The following PTPRK variants were observed in gnomAD, a reference collection of about 807,000 sequenced individuals.
PTPRK encodes the protein protein tyrosine phosphatase receptor type K.
PTPRK carries 75 observed loss-of-function variants against 178.0 expected under a neutral mutation model. The observed-to-expected ratio is 0.42, with a 90% CI of 0.35 to 0.51. The LOEUF is 0.51. Among genes scored for constraint, PTPRK ranks in the 20% least tolerant of loss-of-function variants. The pLI is 0.02. For missense variants in PTPRK, 1,441 were observed against 1,797.8 expected, an observed-to-expected ratio of 0.80 and a Z score of 3.59; for synonymous variants, 637 against 620.6, an observed-to-expected ratio of 1.03 and a Z score of -0.39.
At chr6:128,426,625 C>G (rs543518822) in intron 1 of PTPRK, among the ~76,000 whole-genome samples, 56 of 152,280 alleles carry the variant, frequency 3.7e-4, no homozygotes, top group African/African-American at 1.2e-3. Flanking sequence ...CATGTAGGAA[C>G]AAGATGTAAC....
intron 3 of PTPRK, among the ~76,000 whole-genome samples, chr6:128,302,391 C>CAAAAAAAAA (rs534525238): frequency 9.7e-5 from 3 of 30,912 alleles, no homozygotes; most frequent in African/African-American, 1.8e-4. Context: ...GACTCAATTC[C>CAAAAAAAAA]AAAAAAAAAA....
chr6:128,399,200 A>C (rs1294857026), intron 1 of PTPRK, among the ~76,000 whole-genome samples: 1 of 152,204 alleles, frequency 6.6e-6, no homozygotes, highest in Non-Finnish European at 1.5e-5. Context: ...TCTCTGTAAA[A>C]AAAAGGAATT....
At chr6:128,068,465 A>G (rs1782221904) in intron 11 of PTPRK, among the ~76,000 whole-genome samples, 1 of 152,228 alleles carries the variant, frequency 6.6e-6, no homozygotes, top group African/African-American at 2.4e-5. Flanking sequence ...GTAGAAACAG[A>G]TGGCATTTGG....
intron 3 of PTPRK, among the ~76,000 whole-genome samples, chr6:128,283,929 A>AT (rs1178883791): frequency 1.3e-5 from 2 of 152,198 alleles, no homozygotes; most frequent in East Asian, 3.8e-4. Flanking sequence ...GCCTGACTCC[A>AT]TGTGGCCTAC....
At chr6:128,141,165 A>G (rs929855888) in intron 7 of PTPRK, among the ~76,000 whole-genome samples, 1 of 151,948 alleles carries the variant, frequency 6.6e-6, no homozygotes, top group Non-Finnish European at 1.5e-5. Flanking sequence ...TTTGCTTGAT[A>G]TTTTATTAAA....
chr6:128,123,704 A>G (rs1201962791), intron 7 of PTPRK, among the ~76,000 whole-genome samples: 1 of 152,168 alleles, frequency 6.6e-6, no homozygotes, highest in Non-Finnish European at 1.5e-5. Context: ...CAAGAAAATT[A>G]ATTACATCAT....
intron 3 of PTPRK, among the ~76,000 whole-genome samples, chr6:128,243,919 AGAT>A (rs561542791): frequency 6.6e-6 from 1 of 152,346 alleles, no homozygotes; most frequent in South Asian, 2.1e-4. Flanking sequence ...ATAAAGTGAA[AGAT>A]GATATGGAGA....
intron 1 of PTPRK, among the ~76,000 whole-genome samples, chr6:128,494,162 C>T (rs994175006): frequency 5.4e-5 from 8 of 148,170 alleles, no homozygotes; most frequent in African/African-American, 1.8e-4. Flanking sequence ...GAACAGCCAC[C>T]GCACTCCAGC....
intron 15 of PTPRK, among the ~76,000 whole-genome samples, chr6:128,002,395 T>C (rs563106304): frequency 6.6e-6 from 1 of 151,960 alleles, no homozygotes; most frequent in South Asian, 2.1e-4. Context: ...CTAGAAACGC[T>C]GGTAAAATTG....
intron 13 of PTPRK, among the ~76,000 whole-genome samples, chr6:128,020,437 A>C (rs559912341): frequency 6.6e-6 from 1 of 152,312 alleles, no homozygotes; most frequent in South Asian, 2.1e-4. Flanking sequence ...CTTCATGATA[A>C]TGTCAGTGAT....
chr6:128,514,772 G>C (rs995863149), intron 1 of PTPRK, among the ~76,000 whole-genome samples: 1 of 152,016 alleles, frequency 6.6e-6, no homozygotes, highest in Non-Finnish European at 1.5e-5. Context: ...TCCACGAGAG[G>C]ATCAATGTGA....
intron 1 of PTPRK, among the ~76,000 whole-genome samples, chr6:128,475,668 T>C (rs1851289220): frequency 6.6e-6 from 1 of 151,996 alleles, no homozygotes; most frequent in South Asian, 2.1e-4. Flanking sequence ...TGGGCACAAA[T>C]AATACAATTG....
At chr6:128,056,429 C>CTT (rs1000039582) in intron 13 of PTPRK, among the ~76,000 whole-genome samples, 181 of 143,792 alleles carry the variant, frequency 1.3e-3, no homozygotes, top group African/African-American at 4.3e-3. Context: ...ATATGCTTTT[C>CTT]TTTTTTTTTT....
chr6:128,487,042 C>T (rs1460509791), intron 1 of PTPRK, among the ~76,000 whole-genome samples: 2 of 150,418 alleles, frequency 1.3e-5, no homozygotes, highest in Non-Finnish European at 3.0e-5. Flanking sequence ...AAGAAGCTAG[C>T]TCTCAACAAC....
intron 6 of PTPRK, among the ~76,000 whole-genome samples, chr6:128,199,167 G>A (rs1375003865): frequency 6.6e-6 from 1 of 152,148 alleles, no homozygotes; most frequent in Non-Finnish European, 1.5e-5. Flanking sequence ...TCATATAGTA[G>A]TATATTCAAA....
chr6:128,003,094 A>AGAG, intron 15 of PTPRK: 1 of 1,181,980 alleles, frequency 8.5e-7, no homozygotes, highest in Non-Finnish European at 1.2e-6. Context: ...CTATTTTCAA[A>AGAG]ATCAAGCTGC....
At chr6:128,332,060 G>A (rs760864918) in intron 2 of PTPRK, among the ~76,000 whole-genome samples, 3 of 152,064 alleles carry the variant, frequency 2.0e-5, no homozygotes, top group East Asian at 1.9e-4. Flanking sequence ...TCCTTCTTAG[G>A]AAGTGGGTGT....
intron 3 of PTPRK, among the ~76,000 whole-genome samples, chr6:128,254,538 T>A (rs1193380475): frequency 6.6e-6 from 1 of 152,152 alleles, no homozygotes; most frequent in African/African-American, 2.4e-5. Flanking sequence ...AACATATATT[T>A]AAAATGAAGA....
At chr6:128,216,235 T>C (rs1809258781) in intron 6 of PTPRK, among the ~76,000 whole-genome samples, 1 of 152,080 alleles carries the variant, frequency 6.6e-6, no homozygotes, top group Admixed American at 6.6e-5. Context: ...CAGGACTTTC[T>C]TTAAAAAAAG....
Sources: gnomAD v4.1 joint callset for allele counts (sites outside exome capture counted in the v4.1 genomes callset) on GRCh38, gnomAD v4.1.1 for gene constraint, MANE v1.5 for transcripts, NCBI Gene and HGNC (gene_info 2026-07-23, HGNC 2026-07-21) for gene names.